FGF12: variants seen among roughly 807,000 people sequenced by gnomAD.
FGF12 encodes fibroblast growth factor 12B.
FGF12 carries 14 observed loss-of-function variants against 23.6 expected under a neutral mutation model. The observed-to-expected ratio is 0.59, with a 90% CI of 0.39 to 0.93. The LOEUF (loss-of-function observed/expected upper bound fraction) is 0.93. Among genes scored for constraint, FGF12 ranks in the 40% least tolerant of loss-of-function variants. The pLI, the probability that FGF12 is intolerant of heterozygous loss-of-function variation, is 0.00. For missense variants in FGF12, 175 were observed against 217.8 expected, an observed-to-expected ratio of 0.80 and a Z score of 1.24; for synonymous variants, 62 against 77.3, an observed-to-expected ratio of 0.80 and a Z score of 1.04.
At chr3:192,310,661 A>T (rs1011256321) in intron 4 of FGF12, among the ~76,000 whole-genome samples, 1 of 152,164 alleles carries the variant, frequency 6.6e-6, no homozygotes, top group Non-Finnish European at 1.5e-5. Flanking sequence ...AGAAAGTAAA[A>T]ATCTGTTTTG....
chr3:192,377,007 G>A lies in FGF12; in HGVS notation c.14-16469C>T, dbSNP rs116293176. On this transcript the variant is annotated intron_variant, in intron 2 of 5. Transcript: ENST00000445105. Reference sequence around the variant, plus strand: ...TCCCCAGCTAGAGAGAAGTTCTTACGTTAACTTCTCAGACTGGAATTCCAA... The same window carrying A: ...TCCCCAGCTAGAGAGAAGTTCTTACATTAACTTCTCAGACTGGAATTCCAA... Among the ~76,000 whole-genome samples, 839 of 152,270 alleles carry A rather than the reference G, an allele frequency of 5.5e-3. 5 individuals carry two copies. The highest frequency in any genetic ancestry group is 0.019 in the African/African-American group (809 of 41,556).
rs1010083807 is a variant in FGF12, at chr3:192,408,373, C to T, written c.14-47835G>A. On this transcript the variant is annotated intron_variant, in intron 2 of 5. Transcript: ENST00000445105. This position sits in a 1 kb window ranked among gnomAD's most constrained non-coding sequence, Gnocchi z 7.3. ...TGAGGAGGCTGCAGTATCGAAAACC[C>T]GGCGCTCACAAGGTTAGTCAAAGTC... 9.9e-6 allele frequency: 14 copies of T among 1,418,534 alleles called. No homozygotes were observed. In the African/African-American group the frequency reaches 1.9e-4, roughly 19 times the overall value. 87.9% of individuals were successfully genotyped at this position (1,418,534 alleles called of 1,614,324 possible). A position where few individuals can be genotyped will look rare whatever the true frequency, so the allele number is the denominator to read the frequency against.
chr3:192,467,882 T>TA (rs1166428437), intron 2 of FGF12, among the ~76,000 whole-genome samples: 1 of 152,180 alleles, frequency 6.6e-6, no homozygotes, highest in Non-Finnish European at 1.5e-5. Context: ...GAAGAGGCTC[T>TA]AAAAGAAGTC....
chr3:192,620,761 A>G (rs556915659), intron 2 of FGF12, among the ~76,000 whole-genome samples: 6 of 152,190 alleles, frequency 3.9e-5, no homozygotes, highest in Admixed American at 1.3e-4. Context: ...GAGCCCCCCA[A>G]CATCAATGCA....
intron 2 of FGF12, among the ~76,000 whole-genome samples, chr3:192,720,064 T>G (rs1267636878): frequency 3.3e-5 from 5 of 152,252 alleles, no homozygotes; most frequent in Admixed American, 3.3e-4. Flanking sequence ...GTGCATTTAG[T>G]TATCTTCTGA....
chr3:192,633,859 C>T (rs147327161), intron 2 of FGF12, among the ~76,000 whole-genome samples: 162 of 152,194 alleles, frequency 1.1e-3, no homozygotes, highest in Non-Finnish European at 2.0e-3. Context: ...TCTCAACAAC[C>T]CTTCATGCGC....
chr3:192,532,429 G>T (rs1202722674), intron 2 of FGF12, among the ~76,000 whole-genome samples: 2 of 152,044 alleles, frequency 1.3e-5, no homozygotes, highest in Non-Finnish European at 2.9e-5. Flanking sequence ...ATTTCTTTCA[G>T]CATTGTTTTG....
intron 4 of FGF12, among the ~76,000 whole-genome samples, chr3:192,244,513 GTAA>G (rs758420205): frequency 3.9e-5 from 6 of 151,938 alleles, no homozygotes; most frequent in South Asian, 2.1e-4. Flanking sequence ...TAAGCAAAAA[GTAA>G]TAATAATAAT....
At chr3:192,645,600 C>T (rs1374176566) in intron 2 of FGF12, among the ~76,000 whole-genome samples, 1 of 151,790 alleles carries the variant, frequency 6.6e-6, no homozygotes, top group East Asian at 1.9e-4. Context: ...ACAGCCCATA[C>T]CAGAATGGAG....
intron 2 of FGF12, among the ~76,000 whole-genome samples, chr3:192,526,844 C>T (rs1724957230): frequency 6.6e-6 from 1 of 152,124 alleles, no homozygotes. Context: ...TCAGTTACAA[C>T]AAAAGCAGTA....
At chr3:192,209,108 G>A (rs1409503730) in intron 4 of FGF12, among the ~76,000 whole-genome samples, 1 of 152,150 alleles carries the variant, frequency 6.6e-6, no homozygotes, top group African/African-American at 2.4e-5. Context: ...ACTAAATTAA[G>A]GCTAATATGA....
At position 192,514,909 on chromosome 3, in the gene FGF12, G is replaced by C. The variant is rs1724614948; in HGVS notation, c.14-154371C>G. The C allele has an allele frequency of 2.0e-6, 2 of 982,098 alleles. No individual in the cohort carries two copies. The highest frequency in any genetic ancestry group is 1.7e-5 in the African/African-American group (1 of 57,170). 60.8% of individuals were successfully genotyped at this position (982,098 alleles called of 1,614,324 possible). ...GCACATGGAGCCGGAGGGAGCCCGG[G>C]CGCCGGCAGGGGGCGGGCCGGGACG... On this transcript the variant is annotated intron_variant, in intron 2 of 5. Coordinates refer to ENST00000445105, the MANE Select transcript of FGF12 (RefSeq NM_004113.6). The surrounding 1 kb of genome is among the most constrained non-coding windows in gnomAD (Gnocchi z 4.9).
intron 4 of FGF12, among the ~76,000 whole-genome samples, chr3:192,192,627 C>A (rs1488598846): frequency 6.6e-6 from 1 of 151,722 alleles, no homozygotes; most frequent in African/African-American, 2.4e-5. Flanking sequence ...ATTATGCATT[C>A]TTTCCCTGTG....
At chr3:192,320,214 T>C (rs1242731525) in intron 4 of FGF12, among the ~76,000 whole-genome samples, 2 of 151,790 alleles carry the variant, frequency 1.3e-5, no homozygotes, top group Non-Finnish European at 2.9e-5. Flanking sequence ...TCAGACAAAA[T>C]AGATTTCAAG....
chr3:192,685,509 C>T (rs1717699455), intron 2 of FGF12, among the ~76,000 whole-genome samples: 1 of 152,160 alleles, frequency 6.6e-6, no homozygotes, highest in Non-Finnish European at 1.5e-5. Flanking sequence ...CAAGAGCTCG[C>T]AAAGCAGAAC....
intron 2 of FGF12, among the ~76,000 whole-genome samples, chr3:192,654,565 G>C (rs916756018): frequency 2.0e-5 from 3 of 152,210 alleles, no homozygotes; most frequent in African/African-American, 7.2e-5. Flanking sequence ...GTATCTTTAA[G>C]AAGGGACACA....
chr3:192,563,828 G>C (rs1052651026), intron 2 of FGF12, among the ~76,000 whole-genome samples: 3 of 152,160 alleles, frequency 2.0e-5, no homozygotes, highest in African/African-American at 4.8e-5. Flanking sequence ...TGAGAAAATA[G>C]AGATGACAAG....
intron 4 of FGF12, among the ~76,000 whole-genome samples, chr3:192,197,374 T>A (rs1302807892): frequency 1.3e-5 from 2 of 152,222 alleles, no homozygotes; most frequent in Non-Finnish European, 2.9e-5. Flanking sequence ...ATATTGGGGA[T>A]AAAACGAAGT....
intron 5 of FGF12, among the ~76,000 whole-genome samples, chr3:192,145,714 A>G (rs553913524): frequency 6.6e-6 from 1 of 152,360 alleles, no homozygotes; most frequent in South Asian, 2.1e-4. Context: ...AACATCCCCA[A>G]AGGACTAAAT....
Sources: allele counts gnomAD v4.1 joint callset (sites outside exome capture counted in the v4.1 genomes callset), GRCh38; gene constraint gnomAD v4.1.1; non-coding constraint Gnocchi (gnomAD v3.1); transcripts MANE v1.5; gene names NCBI Gene and HGNC (gene_info 2026-07-23, HGNC 2026-07-21).